IGLL5: variants seen among roughly 807,000 people sequenced by gnomAD.
IGLL5 encodes the protein immunoglobulin lambda-like polypeptide 5.
Under a neutral mutation model 20.9 loss-of-function variants are expected in IGLL5, and 30 were observed. The ratio of observed to expected loss-of-function variants is 1.44; its 90% CI spans 1.07 to 1.95. IGLL5 has a LOEUF of 1.95. Ranked by LOEUF, IGLL5 falls within the 30% of genes most tolerant of loss-of-function variation. The pLI is 0.00. For synonymous variants in IGLL5, 203 were observed against 117.3 expected, an observed-to-expected ratio of 1.73 and a Z score of -4.72; for missense variants, 475 against 270.7, an observed-to-expected ratio of 1.75 and a Z score of -5.30.
At chr22:22,889,443 G>C (rs567750082) in intron 1 of IGLL5, among the ~76,000 whole-genome samples, 2 of 151,294 alleles carry the variant, frequency 1.3e-5, no homozygotes, top group African/African-American at 4.8e-5. Flanking sequence ...TTTATCCTAA[G>C]GGTTGGTTGG....
intron 1 of IGLL5, among the ~76,000 whole-genome samples, chr22:22,888,462 T>A (rs115279007): frequency 6.6e-6 from 1 of 151,430 alleles, no homozygotes; most frequent in Non-Finnish European, 1.5e-5. Flanking sequence ...TATTACGATA[T>A]TATTTTTCTT....
At chr22:22,894,038 G>A (rs564611185) in intron 2 of IGLL5, among the ~76,000 whole-genome samples, 2 of 151,522 alleles carry the variant, frequency 1.3e-5, no homozygotes, top group South Asian at 2.1e-4. Flanking sequence ...CCCGGGGCCT[G>A]AGCTGGGATT....
Position 22,893,935 on chromosome 22 carries a change from A to G in IGLL5, c.325+117A>G, listed in dbSNP as rs1454657314. ...CTCCCAGCCTTAAGCACTGACCCTT[A>G]CCTTTCTCCATGGGGCCTGGAGGAG... On this transcript the variant is annotated intron_variant, in intron 2 of 2. Coordinates refer to ENST00000526893, the MANE Select transcript of IGLL5 (RefSeq NM_001178126.2). The G allele has an allele frequency of 1.8e-5, 14 of 775,412 alleles. 1 individual carries two copies. The highest frequency in any genetic ancestry group is 2.5e-5 in the East Asian group (1 of 39,600). The allele number at this position is 775,412 out of a possible 1,614,324, so 48.0% of individuals were successfully genotyped here.
chr22:22,893,882 C>G lies in IGLL5; in HGVS notation c.325+64C>G, dbSNP rs1601621482. ...CTGCTGTCCCTGGAAAATCTGTTTT[C>G]TCTCTCTGGGGCTTCCTCCCCTCTG... On this transcript the variant is annotated intron_variant, in intron 2 of 2. Coordinates refer to ENST00000526893, the MANE Select transcript of IGLL5 (RefSeq NM_001178126.2). 2.4e-5 allele frequency: 27 copies of G among 1,146,522 alleles called. 2 individuals carry two copies. The highest frequency in any genetic ancestry group is 1.4e-4 in the African/African-American group (9 of 65,900). The allele number at this position is 1,146,522 out of a possible 1,614,324, so 71.0% of individuals were successfully genotyped here. A position where few individuals can be genotyped will look rare whatever the true frequency, so the allele number is the denominator to read the frequency against.
rs1312597802 is a variant in IGLL5, at chr22:22,888,207, C to A, written c.154C>A (p.Pro52Thr). 1.3e-6 allele frequency: 2 copies of A among 1,548,616 alleles called. No individual in the cohort carries two copies. The highest frequency in any genetic ancestry group is 1.7e-6 in the Non-Finnish European group (2 of 1,146,536). Residue 52 changes from proline (P) to threonine (T), a missense_variant, in exon 1 of 3, where the codon CCT (proline) becomes ACT (threonine). Transcript: ENST00000526893. ...MVAPQSGDPD[P>T]GASVGSSRSS... ...TGCACCGCAAAGCGGGGACCCAGAC[C>A]CTGGAGCCTCAGTTGGAAGCAGCCG... is the stretch of plus-strand genomic sequence containing the variant.
At chr22:22,888,523 C>CACCTAGTGCCTT in intron 1 of IGLL5, among the ~76,000 whole-genome samples, 1 of 151,452 alleles carries the variant, frequency 6.6e-6, no homozygotes, top group Non-Finnish European at 1.5e-5. Flanking sequence ...GTCAGTGCCT[C>CACCTAGTGCCTT]AATCACCTAG....
intron 2 of IGLL5, among the ~76,000 whole-genome samples, chr22:22,894,736 A>T (rs1601628399): frequency 6.6e-6 from 1 of 151,128 alleles, no homozygotes; most frequent in African/African-American, 2.4e-5. Context: ...AGCTGAGGTG[A>T]AGGGTTCTGT....
At position 22,895,895 on chromosome 22, in the gene IGLL5, T is replaced by G. The variant is rs2066757281; in HGVS notation, c.*201T>G. The stretch of plus-strand genomic sequence containing the variant: ...GCTAGCCTCCCCGGGGTTCTCAGTG[T>G]GGGGTACAGGGAATTCTGCACCCAG... On this transcript the variant is annotated 3_prime_UTR_variant, in exon 3 of 3. Transcript: ENST00000526893. The G allele has an allele frequency of 4.7e-6, 3 of 639,394 alleles. No homozygotes were observed. The highest frequency in any genetic ancestry group is 5.5e-6 in the Non-Finnish European group (2 of 360,704). 39.6% of individuals were successfully genotyped at this position (639,394 alleles called of 1,614,324 possible). A position where few individuals can be genotyped will look rare whatever the true frequency, so the allele number is the denominator to read the frequency against.
chr22:22,894,528 C>T (rs1290705000), intron 2 of IGLL5, among the ~76,000 whole-genome samples: 2 of 151,532 alleles, frequency 1.3e-5, no homozygotes, highest in African/African-American at 2.4e-5. Context: ...ACCTCTGGGG[C>T]CCAGTGTCTC....
At chr22:22,888,635 TCC>T in intron 1 of IGLL5, among the ~76,000 whole-genome samples, 1 of 151,086 alleles carries the variant, frequency 6.6e-6, no homozygotes, top group South Asian at 2.1e-4. Flanking sequence ...TTCCTCCCCC[TCC>T]TCCTCTCTGC....
intron 2 of IGLL5, among the ~76,000 whole-genome samples, chr22:22,894,354 G>C (rs2068020846): frequency 2.0e-5 from 3 of 151,478 alleles, no homozygotes; most frequent in South Asian, 2.1e-4. Context: ...GAGGGCTCTG[G>C]GTCTAGGCTG....
Position 22,892,222 on chromosome 22 carries a change from G to A in IGLL5, c.207-1478G>A, listed in dbSNP as rs901007195. ...TGCTTTCTTTATATGAGAAACAAGT[G>A]TTGAATTTATATTACTATTATATTA... On this transcript the variant is annotated intron_variant, in intron 1 of 2. Transcript: ENST00000526893. Among the ~76,000 whole-genome samples the A allele has an allele frequency of 6.6e-5, 10 of 151,148 alleles. No individual in the cohort carries two copies. In the Admixed American group the frequency reaches 6.6e-4, roughly 10 times the overall value.
At chr22:22,889,172 T>A (rs1424649291) in intron 1 of IGLL5, among the ~76,000 whole-genome samples, 2 of 149,728 alleles carry the variant, frequency 1.3e-5, no homozygotes, top group South Asian at 2.1e-4. Flanking sequence ...GGAGAGGGGG[T>A]GATGGCCAAG....
At chr22:22,889,546 T>G (rs2067731770) in intron 1 of IGLL5, among the ~76,000 whole-genome samples, 1 of 151,236 alleles carries the variant, frequency 6.6e-6, no homozygotes, top group African/African-American at 2.4e-5. Context: ...AATCCAAATA[T>G]CTACCAGAAA....
chr22:22,888,503 T>G (rs551686847), intron 1 of IGLL5, among the ~76,000 whole-genome samples: 1 of 151,286 alleles, frequency 6.6e-6, no homozygotes, highest in Admixed American at 6.6e-5. Context: ...CCACTTAAAT[T>G]TTCACCAGGG....
intron 2 of IGLL5, among the ~76,000 whole-genome samples, chr22:22,894,639 C>G (rs145865501): frequency 6.6e-6 from 1 of 150,532 alleles, no homozygotes; most frequent in South Asian, 2.1e-4. Flanking sequence ...TCCATGGCTA[C>G]CAGGTGAAGT....
chr22:22,889,409 A>G (rs188021501), intron 1 of IGLL5, among the ~76,000 whole-genome samples: 3 of 151,240 alleles, frequency 2.0e-5, no homozygotes, highest in East Asian at 2.0e-4. Flanking sequence ...GTTTATCTAA[A>G]CTGGGCAATT....
In IGLL5 at chr22:22,888,211, G is replaced by C; in HGVS notation, c.158G>C (p.Gly53Ala). ...VAPQSGDPDP[G>A]ASVGSSRSSL... ...CCGCAAAGCGGGGACCCAGACCCTG[G>C]AGCCTCAGTTGGAAGCAGCCGATCC... is the stretch of plus-strand genomic sequence containing the variant. The change falls in exon 1 of 3, where the codon GGA becomes GCA. Residue 53 changes from glycine to alanine, a missense_variant. Gly to Ala is a moderately conservative substitution (Grantham distance 60). Transcript: ENST00000526893. 6.5e-7 allele frequency: 1 copy of C among 1,548,576 alleles called. No individual in the cohort carries two copies. The highest frequency in any genetic ancestry group is 8.7e-7 in the Non-Finnish European group (1 of 1,146,534).
intron 1 of IGLL5, among the ~76,000 whole-genome samples, chr22:22,892,536 C>A (rs574880645): frequency 6.6e-6 from 1 of 150,900 alleles, no homozygotes; most frequent in Admixed American, 6.6e-5. Flanking sequence ...AGGCATTCTG[C>A]GATGTCCCCA....
Sources: gnomAD v4.1 joint callset for allele counts (sites outside exome capture counted in the v4.1 genomes callset) on GRCh38, gnomAD v4.1.1 for gene constraint, MANE v1.5 for transcripts, NCBI Gene and HGNC (gene_info 2026-07-23, HGNC 2026-07-21) for gene names.